The following MAP1LC3B variants were observed in gnomAD, a reference collection of about 807,000 sequenced individuals.
MAP1LC3B encodes microtubule-associated protein 1 light chain 3 beta.
MAP1LC3B carries 12 observed loss-of-function variants against 16.7 expected under a neutral mutation model. The ratio of observed to expected loss-of-function variants is 0.72; its 90% CI spans 0.46 to 1.16. MAP1LC3B has a LOEUF of 1.16. Among genes scored for constraint, MAP1LC3B ranks in the 50% most tolerant of loss-of-function variants. The probability of loss-of-function intolerance (pLI) is 0.00; values close to 1 mark genes in which losing one functional copy is unlikely to be tolerated. For missense variants in MAP1LC3B, 155 were observed against 159.5 expected, an observed-to-expected ratio of 0.97 and a Z score of 0.15; for synonymous variants, 63 against 56.5, an observed-to-expected ratio of 1.11 and a Z score of -0.51.
At position 87,398,822 on chromosome 16, in the gene MAP1LC3B, A is replaced by C. The variant is rs1312185767; in HGVS notation, c.48A>C (p.Arg16Ser). The C allele has an allele frequency of 1.2e-6, 2 of 1,614,042 alleles. No individual in the cohort carries two copies. Among genetic ancestry groups the C allele is most frequent in the Non-Finnish European group, 1.7e-6 (2 of 1,179,992 alleles). Residue 16 changes from arginine (R) to serine (S), a missense_variant, in exon 2 of 4, where the codon AGA (arginine) becomes AGC (serine). Transcript: ENST00000268607. ...CTCTTCATTTCATTGCAGAACAAAG[A>C]GTAGAAGATGTCCGACTTATTCGAG... is the stretch of plus-strand genomic sequence containing the variant. ...TFKQRRTFEQ[R>S]VEDVRLIREQ... is the part of the protein sequence containing the mutation.
chr16:87,393,544 G>C (rs1487790663), intron 1 of MAP1LC3B, among the ~76,000 whole-genome samples: 1 of 152,172 alleles, frequency 6.6e-6, no homozygotes, highest in Non-Finnish European at 1.5e-5. Context: ...TCTTATGCCT[G>C]AGAAACTTAA....
chr16:87,392,640 C>A, intron 1 of MAP1LC3B, 173 bp downstream of exon 1: 1 of 475,426 alleles, frequency 2.1e-6, no homozygotes, highest in Non-Finnish European at 2.9e-6. Flanking sequence ...CGTGAGGGAC[C>A]CAGGCCGGGA....
At chr16:87,398,893 T>G (rs777031041) in intron 2 of MAP1LC3B, 23 bp downstream of exon 2, 59 of 1,609,898 alleles carry the variant, frequency 3.7e-5, no homozygotes, top group Admixed American at 5.0e-5. Context: ...AGGCCTCGGT[T>G]TCAGTCATGA....
chr16:87,399,169 G>C (rs574479821), intron 2 of MAP1LC3B: 81 of 355,272 alleles, frequency 2.3e-4, no homozygotes, highest in African/African-American at 1.5e-3. Flanking sequence ...ACTACACCTG[G>C]CTAATTTTTT....
At chr16:87,395,652 A>G (rs990306700) in intron 1 of MAP1LC3B, among the ~76,000 whole-genome samples, 1 of 152,144 alleles carries the variant, frequency 6.6e-6, no homozygotes, top group Non-Finnish European at 1.5e-5. Context: ...ACAGCGTGCT[A>G]AGATGCTCCT....
chr16:87,402,159 C>T lies in MAP1LC3B; in HGVS notation c.97-16C>T. 6.2e-7 allele frequency: 1 copy of T among 1,613,778 alleles called. No homozygotes were observed. The highest frequency in any genetic ancestry group is 2.2e-5 in the East Asian group (1 of 44,870). On this transcript the variant is annotated splice_polypyrimidine_tract_variant and intron_variant, in intron 2 of 3. Coordinates refer to ENST00000268607, the MANE Select transcript of MAP1LC3B (RefSeq NM_022818.5). ...CCTGATGACTATTTTAAAATCACTT[C>T]TGGCTTCTTTTCCAGGTGATAATAG...
chr16:87,395,630 C>A (rs1268289511), intron 1 of MAP1LC3B, among the ~76,000 whole-genome samples: 1 of 152,172 alleles, frequency 6.6e-6, no homozygotes, highest in Non-Finnish European at 1.5e-5. Flanking sequence ...ACTGGATTTT[C>A]ATTGCTGCTG....
chr16:87,394,725 C>G (rs1462719168), intron 1 of MAP1LC3B, among the ~76,000 whole-genome samples: 1 of 152,144 alleles, frequency 6.6e-6, no homozygotes, highest in African/African-American at 2.4e-5. Context: ...CTGTGTGAGT[C>G]AGGAGACATA....
chr16:87,402,816 T>G, intron 3 of MAP1LC3B, 107 bp from the exon 4 acceptor site: 1 of 1,322,864 alleles, frequency 7.6e-7, no homozygotes, highest in Non-Finnish European at 1.0e-6. Flanking sequence ...TCAAGAGCAT[T>G]TAGAACATTT....
chr16:87,402,212 C>G lies in MAP1LC3B; in HGVS notation c.134C>G (p.Pro45Arg). ...IERYKGEKQL[P>R]VLDKTKFLVP... ...CGATACAAGGGTGAGAAGCAGCTTC[C>G]TGTTCTGGATAAAACAAAGTTCCTT... is the stretch of plus-strand genomic sequence containing the variant. Residue 45 changes from proline to arginine, a missense_variant, in exon 3 of 4, where the codon CCT becomes CGT. Coordinates refer to ENST00000268607, the MANE Select transcript of MAP1LC3B (RefSeq NM_022818.5). The G allele has an allele frequency of 6.2e-7, 1 of 1,614,112 alleles. No homozygotes were observed. The highest frequency in any genetic ancestry group is 8.5e-7 in the Non-Finnish European group (1 of 1,180,012).
chr16:87,395,341 C>T (rs936747276), intron 1 of MAP1LC3B, among the ~76,000 whole-genome samples: 22 of 152,190 alleles, frequency 1.4e-4, no homozygotes, highest in African/African-American at 5.3e-4. Flanking sequence ...GATGAACTCT[C>T]TTCTGTGTAC....
intron 1 of MAP1LC3B, among the ~76,000 whole-genome samples, chr16:87,394,967 A>T (rs1033402817): frequency 2.3e-5 from 3 of 132,100 alleles, no homozygotes; most frequent in Non-Finnish European, 3.1e-5. Context: ...GCCAGCTTTA[A>T]CTATTGGCCT....
Position 87,402,836 on chromosome 16 carries a change from A to G in MAP1LC3B, c.204-87A>G. 8.2e-6 allele frequency: 12 copies of G among 1,467,596 alleles called. No individual in the cohort carries two copies. The South Asian group carries it at 1.4e-4, about 17-fold the overall frequency. The allele number at this position is 1,467,596 out of a possible 1,614,324, so 90.9% of individuals were successfully genotyped here. ...AGCATTTAGAACATTTTTATATTTT[A>G]CCGATCAGAGTGGGTGATATTTTAA... is the stretch of plus-strand genomic sequence containing the variant. On this transcript the variant is annotated intron_variant, in intron 3 of 3. Transcript: ENST00000268607.
Position 87,403,201 on chromosome 16 carries a change from T to G in MAP1LC3B, c.*104T>G. On this transcript the variant is annotated 3_prime_UTR_variant, in exon 4 of 4. Transcript: ENST00000268607. Reference sequence around the variant, plus strand: ...GATCAGTTCATCCAATCACAGATCATGAAACAGTAGTGTTCCCACCTAGGA... The same window carrying G: ...GATCAGTTCATCCAATCACAGATCAGGAAACAGTAGTGTTCCCACCTAGGA... 1 of 1,438,356 alleles carries G rather than the reference T, an allele frequency of 7.0e-7. No homozygotes were observed. Among genetic ancestry groups the G allele is most frequent in the Non-Finnish European group, 9.4e-7 (1 of 1,063,692 alleles). 89.1% of individuals were successfully genotyped at this position (1,438,356 alleles called of 1,614,324 possible).
intron 3 of MAP1LC3B, chr16:87,402,562 G>A: frequency 1.8e-6 from 1 of 545,572 alleles, no homozygotes; most frequent in Non-Finnish European, 3.2e-6. Context: ...AAGTTATTAA[G>A]GTATTGTACA....
At chr16:87,400,962 A>G (rs908254016) in intron 2 of MAP1LC3B, among the ~76,000 whole-genome samples, 3 of 151,922 alleles carry the variant, frequency 2.0e-5, no homozygotes, top group Non-Finnish European at 2.9e-5. Context: ...GTGAAACCCC[A>G]TCTCTACTAA....
chr16:87,397,729 C>T (rs552631943), intron 1 of MAP1LC3B, among the ~76,000 whole-genome samples: 3 of 151,932 alleles, frequency 2.0e-5, no homozygotes, highest in Non-Finnish European at 4.4e-5. Context: ...TCAGGAAGTT[C>T]GTGACATTGA....
intron 1 of MAP1LC3B, among the ~76,000 whole-genome samples, chr16:87,393,539 T>G (rs1271543005): frequency 6.6e-6 from 1 of 152,246 alleles, no homozygotes; most frequent in African/African-American, 2.4e-5. Flanking sequence ...TTTTTTCTTA[T>G]GCCTGAGAAA....
rs1907954251 is a variant in MAP1LC3B at position 87,400,507 on chromosome 16, A to G, written c.96+1637A>G. On this transcript the variant is annotated intron_variant, in intron 2 of 3. Transcript: ENST00000268607. ...AATATTTGTATTTTTAACCTCATTT[A>G]AAGAAATATGTTATCAGAATGAAAG... 2.0e-5 allele frequency among the ~76,000 whole-genome samples: 3 copies of G among 152,168 alleles called. 1 individual carries two copies. The highest frequency in any genetic ancestry group is 4.1e-4 in the South Asian group (2 of 4,822).
Sources: gnomAD v4.1 joint callset for allele counts (sites outside exome capture counted in the v4.1 genomes callset) on GRCh38, gnomAD v4.1.1 for gene constraint, MANE v1.5 for transcripts, NCBI Gene and HGNC (gene_info 2026-07-23, HGNC 2026-07-21) for gene names.